Variants in TXNRD2 observed in about 807,000 individuals in gnomAD.
The protein encoded by TXNRD2 is thioredoxin reductase 2.
In TXNRD2, 67 loss-of-function variants were observed where a neutral mutation model predicts 70.8. The ratio of observed to expected loss-of-function variants is 0.95; its 90% CI spans 0.78 to 1.16. TXNRD2 has a LOEUF of 1.16. Among genes scored for constraint, TXNRD2 ranks in the 50% most tolerant of loss-of-function variants. TXNRD2 has a pLI of 0.00. For missense variants in TXNRD2, 644 were observed against 719.9 expected, an observed-to-expected ratio of 0.89 and a Z score of 1.21; for synonymous variants, 301 against 295.8, an observed-to-expected ratio of 1.02 and a Z score of -0.18.
chr22:19,892,176 T>C (rs1021523137), intron 11 of TXNRD2, among the ~76,000 whole-genome samples: 1 of 152,278 alleles, frequency 6.6e-6, no homozygotes, highest in Admixed American at 6.5e-5. Flanking sequence ...CCTAGGGCGC[T>C]TTATTTTAAC....
At chr22:19,895,358 G>C in intron 11 of TXNRD2, 49 bp downstream of exon 11, 1 of 1,611,740 alleles carries the variant, frequency 6.2e-7, no homozygotes. Flanking sequence ...GATTCTCCAT[G>C]CACCTCGGGG....
chr22:19,925,157 G>A lies in TXNRD2; in HGVS notation c.173-5558C>T, dbSNP rs541551634. Reference sequence around the variant, plus strand: ...AAATTAGACGGGCATGGTGGCATGCGCCTGTAGTCCCAGCTACTCAGGAGG... The same window carrying A: ...AAATTAGACGGGCATGGTGGCATGCACCTGTAGTCCCAGCTACTCAGGAGG... On this transcript the variant is annotated intron_variant, in intron 2 of 17. Transcript: ENST00000400521. Among the ~76,000 whole-genome samples the A allele has an allele frequency of 1.1e-4, 17 of 151,890 alleles. No individual in the cohort carries two copies. In the East Asian group the frequency reaches 1.5e-3, roughly 14 times the overall value.
intron 8 of TXNRD2, among the ~76,000 whole-genome samples, chr22:19,909,982 A>C (rs1940332915): frequency 7.1e-6 from 1 of 141,394 alleles, no homozygotes; most frequent in Non-Finnish European, 1.5e-5. Context: ...CACACACACC[A>C]TTCACACACA....
chr22:19,940,458 G>A (rs554245932), intron 1 of TXNRD2, among the ~76,000 whole-genome samples: 1 of 152,198 alleles, frequency 6.6e-6, no homozygotes, highest in East Asian at 1.9e-4. Context: ...AGGAAGATAA[G>A]GGCATTATCC....
intron 2 of TXNRD2, among the ~76,000 whole-genome samples, chr22:19,926,881 G>C (rs1344601390): frequency 6.6e-6 from 1 of 152,216 alleles, no homozygotes; most frequent in African/African-American, 2.4e-5. Flanking sequence ...GCTGGGGAGA[G>C]GGGGGAAGAG....
intron 14 of TXNRD2, among the ~76,000 whole-genome samples, chr22:19,878,842 G>A (rs944214256): frequency 6.6e-6 from 1 of 152,254 alleles, no homozygotes; most frequent in Non-Finnish European, 1.5e-5. Flanking sequence ...AGGCACCCTG[G>A]TGTTTGCTTG....
intron 1 of TXNRD2, among the ~76,000 whole-genome samples, chr22:19,939,961 C>T (rs1227890960): frequency 4.6e-5 from 7 of 152,174 alleles, no homozygotes; most frequent in South Asian, 2.1e-4. Context: ...AAAAATGACT[C>T]GGCTGGGCGC....
At chr22:19,885,498 T>C (rs1240902874) in intron 11 of TXNRD2, among the ~76,000 whole-genome samples, 1 of 152,200 alleles carries the variant, frequency 6.6e-6, no homozygotes, top group Non-Finnish European at 1.5e-5. Context: ...GCCGCAGGAA[T>C]TGGGTGCCGG....
intron 12 of TXNRD2, 41 bp downstream of exon 12, chr22:19,883,284 A>AGGCAGG: frequency 1.2e-6 from 2 of 1,605,652 alleles, no homozygotes; most frequent in Non-Finnish European, 1.7e-6. Context: ...GTGGTGGAGC[A>AGGCAGG]GGCAGGGGCA....
At chr22:19,912,329 G>A (rs1426459009) in intron 7 of TXNRD2, among the ~76,000 whole-genome samples, 3 of 152,242 alleles carry the variant, frequency 2.0e-5, no homozygotes, top group Non-Finnish European at 2.9e-5. Flanking sequence ...TAAAACGCAA[G>A]CAAGCCTTGG....
At position 19,919,603 on chromosome 22, in the gene TXNRD2, G is replaced by A; in HGVS notation, c.173-4C>T. 1 of 1,558,136 alleles carries A rather than the reference G, an allele frequency of 6.4e-7. No individual in the cohort carries two copies. The highest frequency in any genetic ancestry group is 8.7e-7 in the Non-Finnish European group (1 of 1,151,502). On this transcript the variant is annotated splice_region_variant and splice_polypyrimidine_tract_variant and intron_variant, in intron 2 of 17. Coordinates refer to ENST00000400521, the MANE Select transcript of TXNRD2 (RefSeq NM_006440.5). ...ACCTTCCTTCCCAGCTGGGCGGCTG[G>A]AAGGATAAGGAGAGCAGCAGGTGAG...
intron 5 of TXNRD2, 99 bp from the exon 6 acceptor site, chr22:19,915,942 C>A (rs1157269137): frequency 4.6e-6 from 5 of 1,086,906 alleles, no homozygotes; most frequent in Admixed American, 3.9e-5. Context: ...CTCCAGCCCC[C>A]AGCAGGGCCT....
At chr22:19,938,398 A>C (rs1241966817) in intron 1 of TXNRD2, among the ~76,000 whole-genome samples, 1 of 152,216 alleles carries the variant, frequency 6.6e-6, no homozygotes, top group Non-Finnish European at 1.5e-5. Flanking sequence ...GCGGTGAAAA[A>C]GCCGCTTATT....
At chr22:19,935,350 G>C (rs902127993) in intron 1 of TXNRD2, among the ~76,000 whole-genome samples, 3 of 152,128 alleles carry the variant, frequency 2.0e-5, no homozygotes, top group Non-Finnish European at 4.4e-5. Flanking sequence ...AAAAAACTCC[G>C]TCCTGGTAAA....
Position 19,878,435 on chromosome 22 carries a change from G to C in TXNRD2, c.1278C>G (p.Val426=). Residue 426 remains valine (V), a splice_region_variant and synonymous_variant, in exon 15 of 18, where the codon GTC becomes GTG. Transcript: ENST00000400521. ...VARHGQEHVE[V]YHAHYKPLEF... ...CCAGTGGTTTATAATGGGCGTGATA[G>C]ACCTGAGGACAGGATACCAACCCTG... 6.2e-7 allele frequency: 1 copy of C among 1,613,522 alleles called. No homozygotes were observed. Among genetic ancestry groups the C allele is most frequent in the South Asian group, 1.1e-5 (1 of 91,090 alleles).
In TXNRD2 at chr22:19,897,537, T is replaced by G. The variant is rs538707490; in HGVS notation, c.774+502A>C. On this transcript the variant is annotated intron_variant, in intron 10 of 17. Coordinates refer to ENST00000400521, the MANE Select transcript of TXNRD2 (RefSeq NM_006440.5). ...TACCCCAGACACAGATGAAGGCCACTGTACACAGCGCACCTGTCCAGAAGC... is the reference window on the plus strand; with the variant it reads ...TACCCCAGACACAGATGAAGGCCACGGTACACAGCGCACCTGTCCAGAAGC... Among the ~76,000 whole-genome samples the G allele has an allele frequency of 4.2e-4, 64 of 152,334 alleles. 3 individuals are homozygous for G. In the South Asian group the frequency reaches 0.013, roughly 30 times the overall value.
At chr22:19,893,751 C>T (rs1224818968) in intron 11 of TXNRD2, among the ~76,000 whole-genome samples, 4 of 152,244 alleles carry the variant, frequency 2.6e-5, no homozygotes. Context: ...CGGGAAACGC[C>T]CAGGCCTCTG....
chr22:19,941,445 G>A (rs1601499861), intron 1 of TXNRD2, among the ~76,000 whole-genome samples: 1 of 152,268 alleles, frequency 6.6e-6, no homozygotes, highest in East Asian at 1.9e-4. Context: ...CCAGCTCTGG[G>A]AGACCACAGG....
At chr22:19,923,885 G>C (rs1273848839) in intron 2 of TXNRD2, among the ~76,000 whole-genome samples, 1 of 119,066 alleles carries the variant, frequency 8.4e-6, no homozygotes, top group East Asian at 2.7e-4. Flanking sequence ...GTGGACTTCT[G>C]ACTGGTACAA....
Sources: allele counts gnomAD v4.1 joint callset (sites outside exome capture counted in the v4.1 genomes callset), GRCh38; gene constraint gnomAD v4.1.1; transcripts MANE v1.5; gene names NCBI Gene and HGNC (gene_info 2026-07-23, HGNC 2026-07-21).